MAP4K5: variants seen among roughly 807,000 people sequenced by gnomAD.
MAP4K5 encodes MAPK/ERK kinase kinase kinase 5.
In MAP4K5, 82 loss-of-function variants were observed where a neutral mutation model predicts 135.6. That is an observed-to-expected ratio of 0.60 (90% CI 0.51 to 0.73). The LOEUF (loss-of-function observed/expected upper bound fraction) is 0.73, where lower values mean the gene tolerates loss of function less well. Among genes scored for constraint, MAP4K5 ranks in the 30% least tolerant of loss-of-function variants. MAP4K5 has a pLI of 0.00. For missense variants in MAP4K5, 907 were observed against 1,010.9 expected, an observed-to-expected ratio of 0.90 and a Z score of 1.39; for synonymous variants, 347 against 335.0, an observed-to-expected ratio of 1.04 and a Z score of -0.39.
chr14:50,537,494 GCCACTGT>G (rs3080542), upstream of MAP4K5, among the ~76,000 whole-genome samples: 2,029 of 152,244 alleles, frequency 0.013, 48 homozygotes, highest in African/African-American at 0.046. Context: ...TGAGAAGAGG[GCCACTGT>G]CCTCCAGATC....
In MAP4K5 at chr14:50,497,609, C is replaced by T. The variant is rs1402440202; in HGVS notation, c.166+7191G>A. On this transcript the variant is annotated intron_variant, in intron 3 of 32. Coordinates refer to ENST00000682126, the MANE Select transcript of MAP4K5 (RefSeq NM_006575.6). ...CAAACTAATGGCTGGTTTAAACCTCCGTATAGTTCCTGACTTTTTAACACT... is the reference window on the plus strand; with the variant it reads ...CAAACTAATGGCTGGTTTAAACCTCTGTATAGTTCCTGACTTTTTAACACT... Among the ~76,000 whole-genome samples the T allele has an allele frequency of 3.9e-5, 6 of 152,114 alleles. No individual in the cohort carries two copies. The East Asian group carries it at 9.6e-4, about 24-fold the overall frequency.
chr14:50,438,055 A>G (rs1490629632), intron 24 of MAP4K5, 37 bp downstream of exon 24: 1 of 1,045,950 alleles, frequency 9.6e-7, no homozygotes, highest in Admixed American at 1.7e-5. Flanking sequence ...TTTACAGCAG[A>G]GAAATACAAT....
At chr14:50,464,844 C>T (rs920095534) in intron 11 of MAP4K5, among the ~76,000 whole-genome samples, 2 of 152,104 alleles carry the variant, frequency 1.3e-5, no homozygotes, top group East Asian at 1.9e-4. Context: ...TGGTGGCTTG[C>T]GATAAAGATA....
In MAP4K5 at chr14:50,496,528, G is replaced by A. The variant is rs2037597609; in HGVS notation, c.166+8272C>T. On this transcript the variant is annotated intron_variant, in intron 3 of 32. Transcript: ENST00000682126. Reference sequence around the variant, plus strand: ...TATATATTTCTTTCTTTCTTTTTTGGGACAGGATTTCATTCTGTTGCCCAT... The same window carrying A: ...TATATATTTCTTTCTTTCTTTTTTGAGACAGGATTTCATTCTGTTGCCCAT... Among the ~76,000 whole-genome samples the A allele has an allele frequency of 2.0e-5, 3 of 149,940 alleles. 1 individual carries two copies. In the South Asian group the frequency reaches 6.4e-4, roughly 32 times the overall value.
upstream of MAP4K5, chr14:50,532,645 C>G (rs924068349): frequency 2.6e-5 from 4 of 153,162 alleles, no homozygotes; most frequent in Non-Finnish European, 5.8e-5. Context: ...TCCCAGCCAG[C>G]ATGGGTCGGC....
At chr14:50,493,180 G>A (rs1190696421) in intron 3 of MAP4K5, among the ~76,000 whole-genome samples, 1 of 152,044 alleles carries the variant, frequency 6.6e-6, no homozygotes, top group Non-Finnish European at 1.5e-5. Flanking sequence ...GCTCACTGCA[G>A]CCTCAAACTC....
chr14:50,469,002 T>C lies in MAP4K5; in HGVS notation c.543-220A>G, dbSNP rs148472483. Among the ~76,000 whole-genome samples, 853 of 152,338 alleles carry C rather than the reference T, an allele frequency of 5.6e-3. 4 individuals are homozygous for C. The highest frequency in any genetic ancestry group is 9.7e-3 in the Non-Finnish European group (663 of 68,024). On this transcript the variant is annotated intron_variant, in intron 9 of 32. Transcript: ENST00000682126. ...TTGAATGCCCTCCTCTGAATGTTTATGCTCTAAGGAAAAATCTTGTTTTAG... is the reference window on the plus strand; with the variant it reads ...TTGAATGCCCTCCTCTGAATGTTTACGCTCTAAGGAAAAATCTTGTTTTAG...
chr14:50,429,086 A>G (rs1025558128), intron 29 of MAP4K5, 106 bp downstream of exon 29: 3 of 718,104 alleles, frequency 4.2e-6, no homozygotes, highest in Non-Finnish European at 4.5e-6. Flanking sequence ...CATGATAAGT[A>G]ACATTTTTAG....
chr14:50,478,655 C>T (rs1041091880), intron 6 of MAP4K5, among the ~76,000 whole-genome samples: 2 of 152,048 alleles, frequency 1.3e-5, no homozygotes, highest in Admixed American at 6.6e-5. Context: ...AATCAGAAAA[C>T]AGAAAATACA....
chr14:50,457,624 C>T (rs913842761), intron 13 of MAP4K5, among the ~76,000 whole-genome samples: 1 of 151,280 alleles, frequency 6.6e-6, no homozygotes, highest in Non-Finnish European at 1.5e-5. Context: ...TCTTTAAAGA[C>T]ACTCTCATAT....
chr14:50,492,779 C>T (rs2037512442), intron 3 of MAP4K5, among the ~76,000 whole-genome samples: 2 of 152,068 alleles, frequency 1.3e-5, no homozygotes, highest in African/African-American at 4.8e-5. Context: ...ATAATGGAAA[C>T]TACCATTTCT....
At position 50,466,903 on chromosome 14, in the gene MAP4K5, T is replaced by C. The variant is rs550032378; in HGVS notation, c.675-258A>G. Among the ~76,000 whole-genome samples the C allele has an allele frequency of 2.0e-5, 3 of 152,314 alleles. No homozygotes were observed. In the South Asian group the frequency reaches 6.2e-4, roughly 32 times the overall value. ...CACCAAATATTGGAAAAGAGTTTTCTTACTATACTGTTACATATGTAACTA... is the reference window on the plus strand; with the variant it reads ...CACCAAATATTGGAAAAGAGTTTTCCTACTATACTGTTACATATGTAACTA... On this transcript the variant is annotated intron_variant, in intron 10 of 32. Transcript: ENST00000682126.
At chr14:50,539,719 T>C (rs2038537410) in intron 2 of MAP4K5, among the ~76,000 whole-genome samples, 1 of 152,226 alleles carries the variant, frequency 6.6e-6, no homozygotes, top group Non-Finnish European at 1.5e-5. Context: ...GGAGAGCTTA[T>C]ACAATGAAGA....
chr14:50,534,243 C>T (rs1028374753), upstream of MAP4K5, among the ~76,000 whole-genome samples: 1 of 152,074 alleles, frequency 6.6e-6, no homozygotes, highest in Non-Finnish European at 1.5e-5. Context: ...AAAACACTTA[C>T]TATAAAACAA....
chr14:50,465,299 C>A (rs776799227), intron 11 of MAP4K5, among the ~76,000 whole-genome samples: 3 of 152,148 alleles, frequency 2.0e-5, no homozygotes, highest in African/African-American at 7.2e-5. Context: ...TGGGGGCTCA[C>A]AGATCCTCAA....
chr14:50,553,365 C>T (rs2038726292), intron 1 of MAP4K5, among the ~76,000 whole-genome samples: 1 of 151,176 alleles, frequency 6.6e-6, no homozygotes, highest in Admixed American at 6.6e-5. Flanking sequence ...TGCTCAAAAT[C>T]ACTATAAGGG....
chr14:50,553,154 T>A (rs1190788010), intron 1 of MAP4K5, among the ~76,000 whole-genome samples: 1 of 150,766 alleles, frequency 6.6e-6, no homozygotes, highest in South Asian at 2.1e-4. Flanking sequence ...AAAATAGCCA[T>A]GCATGGTGGT....
At chr14:50,523,938 A>G (rs1486239779) in intron 2 of MAP4K5, among the ~76,000 whole-genome samples, 1 of 152,228 alleles carries the variant, frequency 6.6e-6, no homozygotes. Context: ...CAGTGGAACA[A>G]CTAGGACTGG....
intron 2 of MAP4K5, among the ~76,000 whole-genome samples, chr14:50,529,036 G>A (rs909018866): frequency 7.2e-5 from 11 of 152,070 alleles, no homozygotes; most frequent in African/African-American, 2.4e-4. Context: ...TTTCCCCAGA[G>A]AACTCAAATA....
Sources: gnomAD v4.1 joint callset for allele counts (sites outside exome capture counted in the v4.1 genomes callset) on GRCh38, gnomAD v4.1.1 for gene constraint, MANE v1.5 for transcripts, NCBI Gene and HGNC (gene_info 2026-07-23, HGNC 2026-07-21) for gene names.